Variants in PTPRF observed in about 807,000 individuals in gnomAD.
The protein encoded by PTPRF is protein tyrosine phosphatase receptor type F.
Under a neutral mutation model 201.8 loss-of-function variants are expected in PTPRF, and 59 were observed. That is an observed-to-expected ratio of 0.29 (90% CI 0.24 to 0.36). The LOEUF is 0.36. PTPRF is among the 10% of genes least tolerant of loss of function. PTPRF has a pLI of 1.00. For synonymous variants in PTPRF, 1,088 were observed against 1,089.7 expected (o/e 1.00, Z 0.03); for missense variants, 2,132 against 2,690.5 (o/e 0.79, Z 4.59).
At position 43,550,168 on chromosome 1, in the gene PTPRF, G is replaced by A. The variant is rs371333373; in HGVS notation, c.92-3324G>A. Among the ~76,000 whole-genome samples the A allele has an allele frequency of 3.9e-3, 563 of 144,732 alleles. 3 individuals carry two copies. Among genetic ancestry groups the A allele is most frequent in the Non-Finnish European group, 6.7e-3 (438 of 65,546 alleles). 94.9% of individuals were successfully genotyped at this position (144,732 alleles called of 152,430 possible). A position where few individuals can be genotyped will look rare whatever the true frequency, so the allele number is the denominator to read the frequency against. Reference sequence around the variant, plus strand: ...CTAGTCTGTTGGGTGGGCGGGCAGGGTGCAGGCTCCTCTCCAGCCTCCAAG... The same window carrying A: ...CTAGTCTGTTGGGTGGGCGGGCAGGATGCAGGCTCCTCTCCAGCCTCCAAG... On this transcript the variant is annotated intron_variant, in intron 3 of 33. Transcript: ENST00000359947.
chr1:43,606,099 C>A (rs1430406806), intron 19 of PTPRF, 141 bp from the exon 20 acceptor site: 2 of 841,134 alleles, frequency 2.4e-6, no homozygotes, highest in Non-Finnish European at 3.6e-6. Flanking sequence ...TCTGTAGGGG[C>A]AGTGGGTTGG....
intron 3 of PTPRF, among the ~76,000 whole-genome samples, chr1:43,547,984 AG>A (rs1053734229): frequency 3.3e-5 from 5 of 152,224 alleles, no homozygotes; most frequent in South Asian, 2.1e-4. Flanking sequence ...GTGGAGGCAC[AG>A]GCTTGTGAGC....
At position 43,546,739 on chromosome 1, in the gene PTPRF, C is replaced by A. The variant is rs536160158; in HGVS notation, c.91+1573C>A. On this transcript the variant is annotated intron_variant, in intron 3 of 33. Coordinates refer to ENST00000359947, the MANE Select transcript of PTPRF (RefSeq NM_002840.5). The surrounding 1 kb of genome is among the most constrained non-coding windows in gnomAD (Gnocchi z 4.2). ...ACCTGTACCCCTCACTCTCATCCCC[C>A]AGCCTGCTGTCTTCCCGTGTTCTCT... Among the ~76,000 whole-genome samples the A allele has an allele frequency of 1.8e-4, 27 of 152,258 alleles. No homozygotes were observed. The highest frequency in any genetic ancestry group is 6.0e-4 in the African/African-American group (25 of 41,542).
intron 1 of PTPRF, among the ~76,000 whole-genome samples, chr1:43,531,339 C>T (rs949506299): frequency 5.6e-5 from 8 of 143,312 alleles, no homozygotes; most frequent in Admixed American, 4.8e-4. Context: ...TGCTGGCTGG[C>T]TCGCTCCCCG....
intron 24 of PTPRF, 55 bp from the exon 25 acceptor site, chr1:43,617,681 G>C: frequency 6.3e-7 from 1 of 1,599,614 alleles, no homozygotes; most frequent in Non-Finnish European, 8.5e-7. Flanking sequence ...GAGGCATGGT[G>C]GGCTGGGCTG....
At chr1:43,577,646 A>C (rs1290531886) in intron 6 of PTPRF, among the ~76,000 whole-genome samples, 1 of 151,944 alleles carries the variant, frequency 6.6e-6, no homozygotes, top group Non-Finnish European at 1.5e-5. Context: ...CAGTCCAGGC[A>C]GGGGGGGCCC....
At chr1:43,573,596 G>T (rs981104216) in intron 6 of PTPRF, among the ~76,000 whole-genome samples, 7 of 152,222 alleles carry the variant, frequency 4.6e-5, no homozygotes, top group Non-Finnish European at 1.0e-4. Context: ...CATCTGCGGG[G>T]CCTGCCAGGA....
chr1:43,573,619 A>G (rs182245836), intron 6 of PTPRF, among the ~76,000 whole-genome samples: 251 of 152,348 alleles, frequency 1.6e-3, no homozygotes, highest in Middle Eastern at 3.4e-3. Context: ...GCACACTGCC[A>G]GTGCATGCTC....
Position 43,621,121 on chromosome 1 carries a change from G to A in PTPRF, c.5544G>A (p.Val1848=), listed in dbSNP as rs781222236. Residue 1848 remains valine (V), a synonymous_variant, in exon 33 of 34, where the codon GTG becomes GTA. Coordinates refer to ENST00000359947, the MANE Select transcript of PTPRF (RefSeq NM_002840.5). ...GTGCTGGCGTGGGCCGCACCGGGGT[G>A]TTCATCACTCTGAGCATCGTCCTGG... ...HCSAGVGRTG[V]FITLSIVLER... The A allele has an allele frequency of 2.6e-5, 42 of 1,614,076 alleles. No individual in the cohort carries two copies. The highest frequency in any genetic ancestry group is 1.1e-5 in the South Asian group (1 of 91,094).
intron 1 of PTPRF, among the ~76,000 whole-genome samples, chr1:43,536,385 T>C (rs556237218): frequency 8.5e-5 from 13 of 152,298 alleles, no homozygotes; most frequent in African/African-American, 2.9e-4. Context: ...TCTTTGCAAA[T>C]GTTTAGTCTT....
intron 14 of PTPRF, among the ~76,000 whole-genome samples, chr1:43,602,308 A>G (rs1464747438): frequency 6.6e-6 from 1 of 152,220 alleles, no homozygotes; most frequent in African/African-American, 2.4e-5. Context: ...TCGAGCAGCA[A>G]TTTGAGGCCA....
chr1:43,610,859 C>T (rs774515038), intron 22 of PTPRF, among the ~76,000 whole-genome samples: 1 of 152,162 alleles, frequency 6.6e-6, no homozygotes, highest in Non-Finnish European at 1.5e-5. Flanking sequence ...AGCAAAACCC[C>T]ATCTCAAAAA....
In PTPRF at chr1:43,603,774, C is replaced by A. The variant is rs747053569; in HGVS notation, c.2622C>A (p.Asp874Glu). The change falls in exon 16 of 34, where the codon GAC (aspartate) becomes GAA (glutamate). Residue 874 changes from aspartate (D) to glutamate (E), a missense_variant. Asp to Glu is a conservative substitution (Grantham distance 45, BLOSUM62 2). Coordinates refer to ENST00000359947, the MANE Select transcript of PTPRF (RefSeq NM_002840.5). The surrounding 1 kb of genome is among the most constrained non-coding windows in gnomAD (Gnocchi z 5.8). ...RPNTIDFGKD[D>E]QHFTVTGLHK... The stretch of plus-strand genomic sequence containing the variant: ...ACACCATAGATTTCGGCAAGGATGA[C>A]CAGCACTTCACAGTCACCGGCCTGC... 3.7e-6 allele frequency: 6 copies of A among 1,614,082 alleles called. No homozygotes were observed. The highest frequency in any genetic ancestry group is 5.1e-6 in the Non-Finnish European group (6 of 1,180,038).
chr1:43,568,931 C>A (rs1005981863), intron 5 of PTPRF, among the ~76,000 whole-genome samples: 1 of 152,212 alleles, frequency 6.6e-6, no homozygotes, highest in African/African-American at 2.4e-5. Flanking sequence ...GCAGCCCTGA[C>A]CGTGACTCCC....
rs999501429 is a variant in PTPRF, at chr1:43,617,917, G to A, written c.4371+6G>A. The A allele has an allele frequency of 1.2e-6, 2 of 1,601,124 alleles. No homozygotes were observed. The highest frequency in any genetic ancestry group is 3.4e-5 in the Admixed American group (2 of 59,688). The stretch of plus-strand genomic sequence containing the variant: ...GGCTGGAGGAGAAGTCCCGGGTGAG[G>A]CTGCAGGGCCCTGCCAGGAGGCGGG... On this transcript the variant is annotated splice_donor_region_variant and intron_variant, in intron 25 of 33. Transcript: ENST00000359947.
intron 6 of PTPRF, among the ~76,000 whole-genome samples, chr1:43,574,021 A>G (rs1461743795): frequency 3.2e-5 from 3 of 94,824 alleles, no homozygotes; most frequent in Admixed American, 1.6e-4. Context: ...TTTGAGACAG[A>G]GTTTCGCTCT....
chr1:43,603,637 A>G lies in PTPRF; in HGVS notation c.2485A>G (p.Ser829Gly), dbSNP rs1654331259. ...AVPGRPTMMI[S>G]TTAMNTALLQ... ...CCCAGGCCGGCCCACCATGATGATC[A>G]GCACCACGGCCATGAACACTGCGCT... Residue 829 changes from serine (S) to glycine (G), a missense_variant, in exon 16 of 34, where the codon AGC (serine) becomes GGC (glycine). Coordinates refer to ENST00000359947, the MANE Select transcript of PTPRF (RefSeq NM_002840.5). The surrounding 1 kb of genome is among the most constrained non-coding windows in gnomAD (Gnocchi z 5.8). 1 of 1,613,404 alleles carries G rather than the reference A, an allele frequency of 6.2e-7. No individual in the cohort carries two copies. Among genetic ancestry groups the G allele is most frequent in the Admixed American group, 1.7e-5 (1 of 60,008 alleles).
chr1:43,617,420 C>A (rs1658139352), intron 23 of PTPRF, 25 bp from the exon 24 acceptor site: 2 of 1,613,808 alleles, frequency 1.2e-6, no homozygotes, highest in Non-Finnish European at 8.5e-7. Context: ...TACCCCACCC[C>A]ACCCGCTTTC....
chr1:43,552,696 A>G (rs1645112571), intron 3 of PTPRF, among the ~76,000 whole-genome samples: 1 of 151,862 alleles, frequency 6.6e-6, no homozygotes, highest in Admixed American at 6.6e-5. Context: ...TGGGTTCATG[A>G]CCCTAGGTGG....
Sources: gnomAD v4.1 joint callset for allele counts (sites outside exome capture counted in the v4.1 genomes callset) on GRCh38, gnomAD v4.1.1 for gene constraint, Gnocchi (gnomAD v3.1) non-coding constraint, MANE v1.5 for transcripts, NCBI Gene and HGNC (gene_info 2026-07-23, HGNC 2026-07-21) for gene names.